The following MBOAT2 variants were observed in gnomAD, a reference collection of about 807,000 sequenced individuals.
The protein encoded by MBOAT2 is membrane-bound glycerophospholipid O-acyltransferase 2.
Under a neutral mutation model 63.4 loss-of-function variants are expected in MBOAT2, and 28 were observed. That is an observed-to-expected ratio of 0.44 (90% CI 0.33 to 0.61). The LOEUF (loss-of-function observed/expected upper bound fraction) is 0.61. MBOAT2 is among the 20% of genes least tolerant of loss of function. The probability of loss-of-function intolerance (pLI) is 0.03; values close to 1 mark genes in which losing one functional copy is unlikely to be tolerated. For synonymous variants in MBOAT2, 211 were observed against 215.6 expected (o/e 0.98, Z 0.19); for missense variants, 470 against 605.8 (o/e 0.78, Z 2.35).
rs1442118799 is a variant in MBOAT2, at chr2:8,937,380, TG to T, written c.299+5806del. ...TGAGAGCATACAATCTCTTAGGTAC[TG>T]ACTATATTCAGAAAACAAAACAGGC... On this transcript the variant is annotated intron_variant, in intron 3 of 12. Coordinates refer to ENST00000305997, the MANE Select transcript of MBOAT2 (RefSeq NM_138799.4). 2.0e-5 allele frequency among the ~76,000 whole-genome samples: 3 copies of T among 152,216 alleles called. No individual in the cohort carries two copies. In the East Asian group the frequency reaches 5.8e-4, roughly 29 times the overall value.
intron 3 of MBOAT2, among the ~76,000 whole-genome samples, chr2:8,938,150 T>C (rs987879293): frequency 8.5e-5 from 13 of 152,192 alleles, no homozygotes; most frequent in African/African-American, 3.1e-4. Flanking sequence ...TTAAATTGCA[T>C]ATACTAAATA....
rs921249133 is a variant in MBOAT2, at chr2:8,854,397, T to C, written c.*4282A>G. ...CAGTTTTATAAGGTATTGAGGGCAG[T>C]TAAGATTACATCTCACAGTGTTATT... On this transcript the variant is annotated 3_prime_UTR_variant, in exon 13 of 13. Coordinates refer to ENST00000305997, the MANE Select transcript of MBOAT2 (RefSeq NM_138799.4). The C allele has an allele frequency of 2.0e-5, 3 of 152,222 alleles. No homozygotes were observed. Among genetic ancestry groups the C allele is most frequent in the South Asian group, 2.1e-4 (1 of 4,836 alleles). 9.4% of individuals were successfully genotyped at this position (152,222 alleles called of 1,614,324 possible). A position where few individuals can be genotyped will look rare whatever the true frequency, so the allele number is the denominator to read the frequency against.
intron 1 of MBOAT2, among the ~76,000 whole-genome samples, chr2:8,970,246 T>C (rs1670348791): frequency 6.6e-6 from 1 of 152,178 alleles, no homozygotes; most frequent in African/African-American, 2.4e-5. Context: ...ACATGGAAAC[T>C]GAACAACCTG....
In MBOAT2 at chr2:8,858,940, A is replaced by G. The variant is rs1216088292; in HGVS notation, c.1338-36T>C. ...AAGGGAAAAAGTTTATTAAAACTTGATAATTAATAATCCTTAATAACTGCA... is the reference window on the plus strand; with the variant it reads ...AAGGGAAAAAGTTTATTAAAACTTGGTAATTAATAATCCTTAATAACTGCA... On this transcript the variant is annotated intron_variant, in intron 12 of 12. Coordinates refer to ENST00000305997, the MANE Select transcript of MBOAT2 (RefSeq NM_138799.4). 10 of 1,454,816 alleles carry G rather than the reference A, an allele frequency of 6.9e-6. No homozygotes were observed. The East Asian group carries it at 1.6e-4, about 23-fold the overall frequency. The allele number at this position is 1,454,816 out of a possible 1,614,324, so 90.1% of individuals were successfully genotyped here. A position where few individuals can be genotyped will look rare whatever the true frequency, so the allele number is the denominator to read the frequency against.
intron 3 of MBOAT2, among the ~76,000 whole-genome samples, chr2:8,931,943 T>C (rs976190880): frequency 2.0e-5 from 3 of 152,210 alleles, no homozygotes; most frequent in Non-Finnish European, 4.4e-5. Flanking sequence ...CACTGGTCTA[T>C]GTGTCTGTTT....
intron 4 of MBOAT2, among the ~76,000 whole-genome samples, chr2:8,895,714 G>A (rs191676721): frequency 1.3e-3 from 192 of 152,322 alleles, no homozygotes; most frequent in African/African-American, 4.0e-3. Context: ...GGATAGGAGC[G>A]AAGAAGGGGC....
At chr2:8,860,126 G>A (rs1661391447) in intron 12 of MBOAT2, among the ~76,000 whole-genome samples, 1 of 152,054 alleles carries the variant, frequency 6.6e-6, no homozygotes, top group African/African-American at 2.4e-5. Context: ...GGCAGAGGTT[G>A]CAGTGAGCCG....
chr2:9,003,364 G>A lies in MBOAT2; in HGVS notation c.75+176C>T, dbSNP rs1274467417. ...GCTGGGGGCGCACCCAGGAGGGAGG[G>A]GGCTCTGGGACAATAACCGGCTTGT... On this transcript the variant is annotated intron_variant, in intron 1 of 12. Coordinates refer to ENST00000305997, the MANE Select transcript of MBOAT2 (RefSeq NM_138799.4). The surrounding 1 kb of genome is among the most constrained non-coding windows in gnomAD (Gnocchi z 5.4). 3.9e-5 allele frequency among the ~76,000 whole-genome samples: 6 copies of A among 151,918 alleles called. No homozygotes were observed. The highest frequency in any genetic ancestry group is 1.3e-4 in the Admixed American group (2 of 15,252).
chr2:8,924,870 T>A (rs1666833023), intron 3 of MBOAT2, among the ~76,000 whole-genome samples: 1 of 152,202 alleles, frequency 6.6e-6, no homozygotes, highest in Non-Finnish European at 1.5e-5. Flanking sequence ...ATTTTATCTT[T>A]CAAAATACAA....
chr2:8,986,006 TG>T (rs1437158500), intron 1 of MBOAT2, among the ~76,000 whole-genome samples: 1 of 151,996 alleles, frequency 6.6e-6, no homozygotes, highest in Non-Finnish European at 1.5e-5. Context: ...CTCAGCCAGG[TG>T]ATCAAATTAA....
chr2:8,888,636 G>C (rs1213864258), intron 4 of MBOAT2, among the ~76,000 whole-genome samples: 1 of 152,028 alleles, frequency 6.6e-6, no homozygotes, highest in Non-Finnish European at 1.5e-5. Context: ...TACTATAATT[G>C]AATGAATAAC....
In MBOAT2 at chr2:8,977,461, A is replaced by G. The variant is rs578092787; in HGVS notation, c.76-18819T>C. Among the ~76,000 whole-genome samples, 97 of 152,254 alleles carry G rather than the reference A, an allele frequency of 6.4e-4. 1 individual carries two copies. In the South Asian group the frequency reaches 0.018, roughly 29 times the overall value. ...CTAGAGCATTTTAGAGAAAATTCTC[A>G]TCACTTCAAGTTTCTTACAAAGGCT... is the stretch of plus-strand genomic sequence containing the variant. On this transcript the variant is annotated intron_variant, in intron 1 of 12. Transcript: ENST00000305997.
chr2:8,969,260 C>A (rs1055629789), intron 1 of MBOAT2, among the ~76,000 whole-genome samples: 1 of 152,008 alleles, frequency 6.6e-6, no homozygotes, highest in Non-Finnish European at 1.5e-5. Flanking sequence ...AATTTCATAT[C>A]CAGCCAAACT....
intron 1 of MBOAT2, among the ~76,000 whole-genome samples, chr2:8,959,263 C>T (rs1318478265): frequency 1.3e-5 from 2 of 152,118 alleles, no homozygotes; most frequent in African/African-American, 2.4e-5. Context: ...AAGCAGCCTT[C>T]GAAAAGCTCA....
intron 1 of MBOAT2, among the ~76,000 whole-genome samples, chr2:8,982,432 G>A (rs971612363): frequency 1.3e-5 from 2 of 152,104 alleles, no homozygotes; most frequent in Non-Finnish European, 2.9e-5. Context: ...CTAGTTCTTC[G>A]CGAACCTTGT....
At chr2:8,939,548 G>A (rs11901921) in intron 3 of MBOAT2, among the ~76,000 whole-genome samples, 33,643 of 152,080 alleles carry the variant, frequency 0.22, 5,606 homozygotes, top group African/African-American at 0.47. Flanking sequence ...TGGTGAAGCA[G>A]GCAAGCTTAT....
chr2:8,892,397 G>A (rs1328637197), intron 4 of MBOAT2, among the ~76,000 whole-genome samples: 1 of 152,010 alleles, frequency 6.6e-6, no homozygotes, highest in Non-Finnish European at 1.5e-5. Context: ...TGAATACAAA[G>A]TGAGAGATAA....
chr2:8,930,332 T>C (rs928872000), intron 3 of MBOAT2, among the ~76,000 whole-genome samples: 1 of 152,186 alleles, frequency 6.6e-6, no homozygotes, highest in African/African-American at 2.4e-5. Flanking sequence ...CATGCGGTGT[T>C]TGGTTTTTTG....
At chr2:8,975,340 A>G (rs1185191532) in intron 1 of MBOAT2, among the ~76,000 whole-genome samples, 1 of 152,116 alleles carries the variant, frequency 6.6e-6, no homozygotes, top group Admixed American at 6.6e-5. Flanking sequence ...ACGTGCTTAT[A>G]TTAAACCGTC....
Sources: allele counts gnomAD v4.1 joint callset (sites outside exome capture counted in the v4.1 genomes callset), GRCh38; gene constraint gnomAD v4.1.1; non-coding constraint Gnocchi (gnomAD v3.1); transcripts MANE v1.5; gene names NCBI Gene and HGNC (gene_info 2026-07-23, HGNC 2026-07-21).